Variants in MTNR1A observed in about 807,000 individuals in gnomAD.
The protein encoded by MTNR1A is melatonin receptor 1A, also known as melatonin receptor type 1A.
A neutral mutation model predicts 5.5 loss-of-function variants in MTNR1A; 7 were observed. The observed-to-expected ratio is 1.28, with a 90% CI of 0.73 to 2.40. The LOEUF (loss-of-function observed/expected upper bound fraction) is 2.40, where lower values mean the gene tolerates loss of function less well. Ranked by LOEUF, MTNR1A falls within the 30% of genes most tolerant of loss-of-function variation. The pLI, the probability that MTNR1A is intolerant of heterozygous loss-of-function variation, is 0.00. For synonymous variants in MTNR1A, 196 were observed against 202.7 expected, an observed-to-expected ratio of 0.97 and a Z score of 0.28; for missense variants, 441 against 464.4, an observed-to-expected ratio of 0.95 and a Z score of 0.46.
rs779338081 is a variant in MTNR1A, at chr4:186,555,348, G to T, written c.18C>A (p.Ser6Arg). 6.5e-7 allele frequency: 1 copy of T among 1,540,402 alleles called. No individual in the cohort carries two copies. Among genetic ancestry groups the T allele is most frequent in the Non-Finnish European group, 8.8e-7 (1 of 1,142,602 alleles). Reference protein sequence around the residue: MQGNGSALPNASQPVL... With the variant: MQGNGRALPNASQPVL... ...CGGGCTGGGAGGCGTTGGGCAGCGC[G>T]CTGCCGTTGCCCTGCATGGTCCCTG... Residue 6 changes from serine to arginine, a missense_variant, in exon 1 of 2, where the codon AGC (serine) becomes AGA (arginine). Physicochemically the swap from Ser to Arg is moderately radical, Grantham distance 110. Transcript: ENST00000307161. The surrounding 1 kb of genome is among the most constrained non-coding windows in gnomAD (Gnocchi z 4.1).
At chr4:186,541,364 A>G (rs904338688) in intron 1 of MTNR1A, among the ~76,000 whole-genome samples, 1 of 152,164 alleles carries the variant, frequency 6.6e-6, no homozygotes. Context: ...ATTAATGGGC[A>G]GTGGCTAATG....
chr4:186,535,747 G>GT (rs928005847), intron 1 of MTNR1A, among the ~76,000 whole-genome samples: 3 of 152,120 alleles, frequency 2.0e-5, no homozygotes, highest in Non-Finnish European at 4.4e-5. Context: ...CTGCAAATAT[G>GT]TTTTTTTTCT....
intron 1 of MTNR1A, among the ~76,000 whole-genome samples, chr4:186,554,535 C>T (rs1244349280): frequency 1.3e-5 from 2 of 152,216 alleles, no homozygotes; most frequent in Non-Finnish European, 2.9e-5. Context: ...AGCAAGTTAA[C>T]TCAAGCACAC....
intron 1 of MTNR1A, among the ~76,000 whole-genome samples, chr4:186,548,846 T>TATATATATATATAC (rs1560898124): frequency 6.0e-5 from 3 of 50,286 alleles, no homozygotes; most frequent in Non-Finnish European, 1.1e-4. Context: ...TATATATATA[T>TATATATATATATAC]ACACTATATA....
chr4:186,533,841 T>A lies in MTNR1A; in HGVS notation c.901A>T (p.Asn301Tyr). The A allele has an allele frequency of 1.9e-6, 3 of 1,614,156 alleles. No individual in the cohort carries two copies. Among genetic ancestry groups the A allele is most frequent in the Non-Finnish European group, 2.5e-6 (3 of 1,180,028 alleles). The change falls in exon 2 of 2, where the codon AAT (asparagine) becomes TAT (tyrosine). Residue 301 changes from asparagine (N) to tyrosine (Y), a missense_variant. By Grantham distance (143) the Asn-to-Tyr change is moderately radical (BLOSUM62 -2). Transcript: ENST00000307161. ...ATTCTCCTGTATTCCTTCCTGAAAT[T>A]TTGGTTCAGTAGCCCGTATATAATG... is the stretch of plus-strand genomic sequence containing the variant. ...NAIIYGLLNQ[N>Y]FRKEYRRIIV... is the part of the protein sequence containing the mutation.
At position 186,548,895 on chromosome 4, in the gene MTNR1A, C is replaced by G. The variant is rs1211964340; in HGVS notation, c.184+6287G>C. ...TTTAAAAAAAGTACATGGTAAAAGACTATATGATACCTACACAGACATATA... is the reference window on the plus strand; with the variant it reads ...TTTAAAAAAAGTACATGGTAAAAGAGTATATGATACCTACACAGACATATA... On this transcript the variant is annotated intron_variant, in intron 1 of 1. Coordinates refer to ENST00000307161, the MANE Select transcript of MTNR1A (RefSeq NM_005958.4). 2.2e-5 allele frequency among the ~76,000 whole-genome samples: 3 copies of G among 134,936 alleles called. No homozygotes were observed. In the South Asian group the frequency reaches 7.1e-4, roughly 32 times the overall value. 88.5% of individuals were successfully genotyped at this position (134,936 alleles called of 152,430 possible). A position where few individuals can be genotyped will look rare whatever the true frequency, so the allele number is the denominator to read the frequency against.
At position 186,534,489 on chromosome 4, in the gene MTNR1A, G is replaced by C. The variant is rs752623254; in HGVS notation, c.253C>G (p.Leu85Val). The C allele has an allele frequency of 1.9e-6, 3 of 1,614,102 alleles. No individual in the cohort carries two copies. Among genetic ancestry groups the C allele is most frequent in the Non-Finnish European group, 2.5e-6 (3 of 1,180,032 alleles). The change falls in exon 2 of 2, where the codon CTG becomes GTG. Residue 85 changes from leucine (L) to valine (V), a missense_variant. Coordinates refer to ENST00000307161, the MANE Select transcript of MTNR1A (RefSeq NM_005958.4). ...VVAIYPYPLV[L>V]MSIFNNGWNL... ...CACCCGTTGTTAAATATCGACATCA[G>C]CACCAACGGGTACGGATAAATGGCC...
At chr4:186,539,800 A>G (rs1736967210) in intron 1 of MTNR1A, among the ~76,000 whole-genome samples, 1 of 152,224 alleles carries the variant, frequency 6.6e-6, no homozygotes, top group Non-Finnish European at 1.5e-5. Flanking sequence ...ACATTGTTAT[A>G]ACAGCAGGAA....
In MTNR1A at chr4:186,555,274, G is replaced by A. The variant is rs769577893; in HGVS notation, c.92C>T (p.Ala31Val). 6.4e-7 allele frequency: 1 copy of A among 1,553,854 alleles called. No homozygotes were observed. Residue 31 changes from alanine to valine, a missense_variant, in exon 1 of 2, where the codon GCC becomes GTC. Ala to Val is a moderately conservative substitution (Grantham distance 64). Transcript: ENST00000307161. The surrounding 1 kb of genome is among the most constrained non-coding windows in gnomAD (Gnocchi z 4.1). ...ARPSWLASAL[A>V]CVLIFTIVVD... ...CACGATGGTGAAGATGAGGACGCAG[G>A]CCAGGGCGGACGCCAGCCACGAGGG...
intron 1 of MTNR1A, among the ~76,000 whole-genome samples, chr4:186,543,733 G>A (rs1329023569): frequency 6.6e-6 from 1 of 152,188 alleles, no homozygotes; most frequent in Non-Finnish European, 1.5e-5. Flanking sequence ...TTTACAAAGA[G>A]GGTTAATGTA....
Position 186,534,178 on chromosome 4 carries a change from G to C in MTNR1A, c.564C>G (p.Thr188=), listed in dbSNP as rs1332442037. Residue 188 remains threonine, a synonymous_variant, in exon 2 of 2, where the codon ACC becomes ACG. Coordinates refer to ENST00000307161, the MANE Select transcript of MTNR1A (RefSeq NM_005958.4). The part of the protein sequence containing the change: ...TFAQSVSSAY[T]IAVVVFHFLV... ...GGAAGTGGAAAACCACCACGGCGAT[G>C]GTGTAGGCGGAGCTGACGGACTGGG... is the stretch of plus-strand genomic sequence containing the variant. The C allele has an allele frequency of 2.5e-6, 4 of 1,613,494 alleles. No individual in the cohort carries two copies. The South Asian group carries it at 3.3e-5, about 13-fold the overall frequency.
intron 1 of MTNR1A, among the ~76,000 whole-genome samples, chr4:186,537,797 G>A (rs1579246438): frequency 2.0e-5 from 3 of 152,354 alleles, no homozygotes. Flanking sequence ...CTGTGGCTAC[G>A]TCCTGGCTTA....
intron 1 of MTNR1A, among the ~76,000 whole-genome samples, chr4:186,544,097 C>T (rs547267511): frequency 3.9e-5 from 6 of 152,226 alleles, no homozygotes; most frequent in East Asian, 3.9e-4. Flanking sequence ...CAACCTCTGC[C>T]GTCCCCCACC....
In MTNR1A at chr4:186,534,559, TGAAA is replaced by T; in HGVS notation, c.185-6_185-3del. 6.2e-7 allele frequency: 1 copy of T among 1,610,406 alleles called. No homozygotes were observed. Among genetic ancestry groups the T allele is most frequent in the South Asian group, 1.1e-5 (1 of 91,072 alleles). On this transcript the variant is annotated splice_polypyrimidine_tract_variant and splice_region_variant and intron_variant, in intron 1 of 1. Coordinates refer to ENST00000307161, the MANE Select transcript of MTNR1A (RefSeq NM_005958.4). ...CTAAGCTCACCACAAAGATGTTTCC[TGAAA>T]GAGAATCGTTTAGAAAATACAGTGA...
rs189214679 is a variant in MTNR1A, at chr4:186,545,314, C to T, written c.184+9868G>A. 1.1e-3 allele frequency among the ~76,000 whole-genome samples: 163 copies of T among 152,276 alleles called. 5 individuals are homozygous for T. Among genetic ancestry groups the T allele is most frequent in the African/African-American group, 3.7e-3 (154 of 41,562 alleles). On this transcript the variant is annotated intron_variant, in intron 1 of 1. Transcript: ENST00000307161. ...GGAGTTACAGGCTGTAGCTGCCCAC[C>T]GGCACTGCTCTTCCATGCTTCCAAC...
At chr4:186,550,153 A>G (rs1003629548) in intron 1 of MTNR1A, among the ~76,000 whole-genome samples, 4 of 152,222 alleles carry the variant, frequency 2.6e-5, no homozygotes, top group Non-Finnish European at 5.9e-5. Flanking sequence ...TCACAGAGAT[A>G]TCACATACAG....
chr4:186,544,341 C>T (rs553994680), intron 1 of MTNR1A, among the ~76,000 whole-genome samples: 1 of 152,270 alleles, frequency 6.6e-6, no homozygotes, highest in East Asian at 1.9e-4. Flanking sequence ...TTGTGTAATG[C>T]TTTTTTATGC....
In MTNR1A at chr4:186,551,888, T is replaced by C. The variant is rs562099119; in HGVS notation, c.184+3294A>G. Among the ~76,000 whole-genome samples, 400 of 152,276 alleles carry C rather than the reference T, an allele frequency of 2.6e-3. 2 individuals carry two copies. The highest frequency in any genetic ancestry group is 4.0e-3 in the Non-Finnish European group (270 of 68,016). ...AGTCAGCCATCCAGCCATAGAGCCA[T>C]TCTGGGAAACCATTTTTAAAAACAT... On this transcript the variant is annotated intron_variant, in intron 1 of 1. Coordinates refer to ENST00000307161, the MANE Select transcript of MTNR1A (RefSeq NM_005958.4).
At chr4:186,539,286 C>G (rs1395777277) in intron 1 of MTNR1A, among the ~76,000 whole-genome samples, 1 of 151,356 alleles carries the variant, frequency 6.6e-6, no homozygotes, top group Non-Finnish European at 1.5e-5. Flanking sequence ...GCATCACCCT[C>G]CAACCACTAA....
Sources: allele counts gnomAD v4.1 joint callset (sites outside exome capture counted in the v4.1 genomes callset), GRCh38; gene constraint gnomAD v4.1.1; non-coding constraint Gnocchi (gnomAD v3.1); transcripts MANE v1.5; gene names NCBI Gene and HGNC (gene_info 2026-07-23, HGNC 2026-07-21).